Variants in VIL1 observed in about 807,000 individuals in gnomAD.
VIL1 encodes the protein villin 1.
In VIL1, 86 loss-of-function variants were observed where a neutral mutation model predicts 104.0. The observed-to-expected ratio is 0.83, with a 90% CI of 0.69 to 0.99. The LOEUF is 0.99. VIL1 is among the 50% of genes least tolerant of loss of function. VIL1 has a pLI of 0.00. For missense variants in VIL1, 944 were observed against 1,054.1 expected (o/e 0.90, Z 1.45); for synonymous variants, 394 against 412.6 (o/e 0.95, Z 0.55).
At chr2:218,436,867 G>A (rs912662267) in intron 16 of VIL1, among the ~76,000 whole-genome samples, 2 of 152,204 alleles carry the variant, frequency 1.3e-5, no homozygotes, top group African/African-American at 4.8e-5. Context: ...ATGGCAGCAG[G>A]AGTGTTTTTG....
chr2:218,439,556 C>T (rs544670791), intron 18 of VIL1, among the ~76,000 whole-genome samples: 24 of 152,152 alleles, frequency 1.6e-4, no homozygotes, highest in Admixed American at 7.2e-4. Flanking sequence ...CAGTGGCTCA[C>T]GCCTGTAATC....
At chr2:218,430,291 G>A (rs940835780) in intron 9 of VIL1, among the ~76,000 whole-genome samples, 1 of 152,030 alleles carries the variant, frequency 6.6e-6, no homozygotes, top group African/African-American at 2.4e-5. Flanking sequence ...AAAGGGGATT[G>A]GGTCAGCTCA....
In VIL1 at chr2:218,452,159, T is replaced by A. The variant is rs991411167; in HGVS notation, c.*2823T>A. On this transcript the variant is annotated 3_prime_UTR_variant, in exon 20 of 20. Coordinates refer to ENST00000248444, the MANE Select transcript of VIL1 (RefSeq NM_007127.3). ...TTCCAACAAAGATCAAAAGGTTGTA[T>A]CTAGAACTAATTGCCATCAAGTTCC... The A allele has an allele frequency of 1.3e-5, 2 of 152,318 alleles. No individual in the cohort carries two copies. The highest frequency in any genetic ancestry group is 4.1e-4 in the South Asian group (2 of 4,826). 9.4% of individuals were successfully genotyped at this position (152,318 alleles called of 1,614,324 possible).
chr2:218,434,406 A>T, intron 13 of VIL1, 120 bp from the exon 14 acceptor site: 1 of 968,180 alleles, frequency 1.0e-6, no homozygotes, highest in Non-Finnish European at 1.5e-6. Context: ...CTGGTGACGG[A>T]GCATCAGAGG....
intron 19 of VIL1, among the ~76,000 whole-genome samples, chr2:218,444,286 T>TC (rs1491129384): frequency 6.6e-6 from 1 of 151,530 alleles, no homozygotes; most frequent in Non-Finnish European, 1.5e-5. Context: ...TGATTTTTTT[T>TC]CTTTTTTTTT....
At chr2:218,431,039 C>A in intron 10 of VIL1, 161 bp downstream of exon 10, 1 of 957,158 alleles carries the variant, frequency 1.0e-6, no homozygotes, top group Non-Finnish European at 1.5e-6. Context: ...TGGACAAACT[C>A]TAGTTGTCAC....
chr2:218,424,035 T>C (rs1688937076), intron 2 of VIL1, among the ~76,000 whole-genome samples, 182 bp downstream of exon 2: 2 of 152,068 alleles, frequency 1.3e-5, no homozygotes, highest in South Asian at 4.1e-4. Flanking sequence ...TTTCTCCATT[T>C]CTTCTCCCTC....
At chr2:218,438,606 C>T in intron 17 of VIL1, 52 bp from the exon 18 acceptor site, 1 of 1,540,714 alleles carries the variant, frequency 6.5e-7, no homozygotes. Context: ...GGCTTCTCAT[C>T]CATCTCCTCT....
rs1164196922 is a variant in VIL1 at position 218,449,221 on chromosome 2, AG to A, written c.2371del. On this transcript the variant is annotated splice_acceptor_variant, in intron 19 of 19. Transcript: ENST00000248444. LOFTEE classifies it high-confidence loss of function. ...TGCCCTCTGGTCCCTCTCTTCTTCT[AG>A]GAACACCTGTCCATTGAAGATTTCA... 2 of 1,612,458 alleles carry A rather than the reference AG, an allele frequency of 1.2e-6. No individual in the cohort carries two copies. Among genetic ancestry groups the A allele is most frequent in the Non-Finnish European group, 1.7e-6 (2 of 1,178,590 alleles).
intron 13 of VIL1, 32 bp from the exon 14 acceptor site, chr2:218,434,494 T>C (rs751670601): frequency 1.9e-6 from 3 of 1,583,654 alleles, no homozygotes; most frequent in Non-Finnish European, 1.7e-6. Flanking sequence ...GACTCCTGAC[T>C]CTCTCTCCCT....
intron 2 of VIL1, 55 bp from the exon 3 acceptor site, chr2:218,424,222 G>T: frequency 6.5e-7 from 1 of 1,546,970 alleles, no homozygotes. Flanking sequence ...CTCCTCCCAG[G>T]CCTAGGGGTC....
chr2:218,440,834 C>T lies in VIL1; in HGVS notation c.2342C>T (p.Pro781Leu). The T allele has an allele frequency of 6.2e-7, 1 of 1,614,106 alleles. No homozygotes were observed. Among genetic ancestry groups the T allele is most frequent in the Non-Finnish European group, 8.5e-7 (1 of 1,179,996 alleles). ...QLVNKPVEEL[P>L]EGVDPSRKEE... The stretch of plus-strand genomic sequence containing the variant: ...GTGAACAAGCCTGTAGAGGAGCTCC[C>T]CGAGGGTGTGGACCCCAGCAGGAAG... Residue 781 changes from proline (P) to leucine (L), a missense_variant, in exon 19 of 20, where the codon CCC becomes CTC. By Grantham distance (98) the Pro-to-Leu change is moderately conservative. Transcript: ENST00000248444.
At chr2:218,422,549 T>C (rs948840161) in intron 1 of VIL1, among the ~76,000 whole-genome samples, 7 of 152,152 alleles carry the variant, frequency 4.6e-5, no homozygotes, top group African/African-American at 1.7e-4. Flanking sequence ...GATCAGAGAC[T>C]GGGCAGGGCC....
chr2:218,432,658 A>G lies in VIL1; in HGVS notation c.1342-135A>G, dbSNP rs1368593857. On this transcript the variant is annotated intron_variant, in intron 12 of 19. Coordinates refer to ENST00000248444, the MANE Select transcript of VIL1 (RefSeq NM_007127.3). ...CAGATTGGGGTTTTGGCTGTTTCAC[A>G]GTGGAGTTTGGTGGGGAAGACAATT... The G allele has an allele frequency of 5.1e-6, 6 of 1,183,674 alleles. No individual in the cohort carries two copies. In the Middle Eastern group the frequency reaches 5.7e-4, roughly 113 times the overall value. 73.3% of individuals were successfully genotyped at this position (1,183,674 alleles called of 1,614,324 possible).
chr2:218,437,059 G>C, intron 16 of VIL1, 65 bp from the exon 17 acceptor site: 1 of 1,565,832 alleles, frequency 6.4e-7, no homozygotes, highest in South Asian at 1.2e-5. Flanking sequence ...TTGGACAACT[G>C]AGGCAGAGCC....
chr2:218,424,500 G>C (rs1240837472), intron 3 of VIL1, 149 bp downstream of exon 3: 5 of 782,830 alleles, frequency 6.4e-6, no homozygotes, highest in Non-Finnish European at 1.0e-5. Context: ...CAACCCTGTG[G>C]GGGCTTCACA....
rs769490754 is a variant in VIL1 at position 218,436,627 on chromosome 2, G to T, written c.1971+1G>T. 2.5e-6 allele frequency: 4 copies of T among 1,613,638 alleles called. No homozygotes were observed. Among genetic ancestry groups the T allele is most frequent in the African/African-American group, 2.7e-5 (2 of 74,874 alleles). ...GTTCCTACTAGATGTCTGGGACCAG[G>T]TAGGACCAAGGGCCTGGGGACCCCT... On this transcript the variant is annotated splice_donor_variant, in intron 16 of 19. Coordinates refer to ENST00000248444, the MANE Select transcript of VIL1 (RefSeq NM_007127.3). LOFTEE classifies it high-confidence loss of function.
chr2:218,421,079 T>A (rs1446646823), intron 1 of VIL1, among the ~76,000 whole-genome samples: 1 of 152,068 alleles, frequency 6.6e-6, no homozygotes, highest in Non-Finnish European at 1.5e-5. Context: ...TAGGAAGGTC[T>A]CCTGGAAGAA....
chr2:218,430,665 T>A, intron 9 of VIL1, 60 bp from the exon 10 acceptor site: 1 of 1,519,996 alleles, frequency 6.6e-7, no homozygotes, highest in Non-Finnish European at 8.8e-7. Flanking sequence ...GGTTTTGGCT[T>A]GCATTGGGAG....
Sources: gnomAD v4.1 joint callset for allele counts (sites outside exome capture counted in the v4.1 genomes callset) on GRCh38, gnomAD v4.1.1 for gene constraint, MANE v1.5 for transcripts, NCBI Gene and HGNC (gene_info 2026-07-23, HGNC 2026-07-21) for gene names.